LRRTM4: variants seen among roughly 807,000 people sequenced by gnomAD.
LRRTM4 encodes the protein leucine rich repeat transmembrane neuronal 4, also known as leucine-rich repeat transmembrane neuronal protein 4.
In LRRTM4, 25 loss-of-function variants were observed where a neutral mutation model predicts 47.6. The observed-to-expected ratio is 0.53, with a 90% CI of 0.38 to 0.73. LRRTM4 has a LOEUF of 0.73. LRRTM4 is among the 30% of genes least tolerant of loss of function. LRRTM4 has a pLI of 0.00. For missense variants in LRRTM4, 638 were observed against 713.4 expected, an observed-to-expected ratio of 0.89 and a Z score of 1.20; for synonymous variants, 311 against 269.5, an observed-to-expected ratio of 1.15 and a Z score of -1.51.
At chr2:76,998,411 T>C (rs1372776432) in intron 3 of LRRTM4, among the ~76,000 whole-genome samples, 1 of 152,176 alleles carries the variant, frequency 6.6e-6, no homozygotes, top group African/African-American at 2.4e-5. Flanking sequence ...TTAATAATGA[T>C]GTGTGGCCCT....
At chr2:76,970,321 A>G (rs1288174928) in intron 3 of LRRTM4, among the ~76,000 whole-genome samples, 2 of 151,988 alleles carry the variant, frequency 1.3e-5, no homozygotes, top group Non-Finnish European at 2.9e-5. Flanking sequence ...TTTCATATTG[A>G]TCAATTTTGA....
chr2:77,477,342 C>T (rs1168100125), intron 3 of LRRTM4, among the ~76,000 whole-genome samples: 1 of 152,212 alleles, frequency 6.6e-6, no homozygotes, highest in South Asian at 2.1e-4. Flanking sequence ...GAAATACTCT[C>T]ATGCTGGCTA....
At chr2:76,843,710 G>C (rs1351284933) in intron 3 of LRRTM4, among the ~76,000 whole-genome samples, 1 of 152,112 alleles carries the variant, frequency 6.6e-6, no homozygotes, top group Non-Finnish European at 1.5e-5. Flanking sequence ...AAGGGAGTTG[G>C]AGAAGGTTGA....
chr2:76,820,853 G>T (rs548886976), intron 3 of LRRTM4, among the ~76,000 whole-genome samples: 24 of 151,854 alleles, frequency 1.6e-4, no homozygotes, highest in Non-Finnish European at 3.2e-4. Flanking sequence ...CGCAAAAGTA[G>T]CTAGAAGCAG....
intron 3 of LRRTM4, among the ~76,000 whole-genome samples, chr2:76,876,629 T>TAGAA: frequency 6.6e-6 from 1 of 152,060 alleles, no homozygotes; most frequent in Non-Finnish European, 1.5e-5. Context: ...AGCATAATTC[T>TAGAA]TTATGCTCTA....
chr2:77,367,526 C>A (rs1322045641), intron 3 of LRRTM4, among the ~76,000 whole-genome samples: 1 of 151,770 alleles, frequency 6.6e-6, no homozygotes, highest in Non-Finnish European at 1.5e-5. Flanking sequence ...GCTGTTTTCA[C>A]CCTTTTTTGC....
chr2:77,227,861 C>T (rs1247432212), intron 3 of LRRTM4, among the ~76,000 whole-genome samples: 21 of 151,978 alleles, frequency 1.4e-4, no homozygotes, highest in Non-Finnish European at 2.9e-4. Context: ...GTTATACTTT[C>T]CAGCCTTTTT....
chr2:76,775,393 G>A (rs1242013422), intron 3 of LRRTM4, among the ~76,000 whole-genome samples: 3 of 152,172 alleles, frequency 2.0e-5, no homozygotes, highest in Non-Finnish European at 4.4e-5. Context: ...TTGAGGGCAA[G>A]TAGACCATGT....
intron 3 of LRRTM4, among the ~76,000 whole-genome samples, chr2:77,223,408 G>A (rs943875360): frequency 6.6e-6 from 1 of 152,118 alleles, no homozygotes; most frequent in Admixed American, 6.6e-5. Context: ...AGGAAAAGAG[G>A]AAGTCAAATT....
chr2:77,436,093 A>G (rs1480233313), intron 3 of LRRTM4, among the ~76,000 whole-genome samples: 1 of 152,176 alleles, frequency 6.6e-6, no homozygotes, highest in Admixed American at 6.5e-5. Flanking sequence ...GTTCAAACAG[A>G]GTAGAGTGTT....
At chr2:76,862,905 G>A (rs765405038) in intron 3 of LRRTM4, among the ~76,000 whole-genome samples, 1 of 152,154 alleles carries the variant, frequency 6.6e-6, no homozygotes, top group Non-Finnish European at 1.5e-5. Flanking sequence ...TTGGTTAAGG[G>A]TAGCAACATA....
chr2:77,256,557 T>A (rs1034607134), intron 3 of LRRTM4, among the ~76,000 whole-genome samples: 14 of 152,146 alleles, frequency 9.2e-5, no homozygotes, highest in Admixed American at 4.6e-4. Flanking sequence ...TTTCATGAGA[T>A]CTTATTGTTT....
intron 3 of LRRTM4, among the ~76,000 whole-genome samples, chr2:77,368,139 G>A (rs1296906920): frequency 6.6e-6 from 1 of 151,570 alleles, no homozygotes; most frequent in Non-Finnish European, 1.5e-5. Flanking sequence ...GCTTTCTGTT[G>A]TGTTCCTGCA....
intron 3 of LRRTM4, among the ~76,000 whole-genome samples, chr2:76,870,753 T>C (rs1402702166): frequency 6.6e-6 from 1 of 152,182 alleles, no homozygotes; most frequent in Admixed American, 6.5e-5. Flanking sequence ...GGTGAGTCAA[T>C]ATTATTTGTA....
At chr2:76,993,297 C>G (rs1677078666) in intron 3 of LRRTM4, among the ~76,000 whole-genome samples, 1 of 151,662 alleles carries the variant, frequency 6.6e-6, no homozygotes, top group African/African-American at 2.4e-5. Flanking sequence ...AGCTTTTGCA[C>G]AGGATAAAAA....
chr2:77,361,780 C>T (rs1243483823), intron 3 of LRRTM4, among the ~76,000 whole-genome samples: 2 of 152,122 alleles, frequency 1.3e-5, no homozygotes, highest in East Asian at 3.9e-4. Flanking sequence ...TACTTCTTAA[C>T]TCTATCTTTC....
At chr2:76,869,115 C>G (rs948909670) in intron 3 of LRRTM4, among the ~76,000 whole-genome samples, 3 of 152,068 alleles carry the variant, frequency 2.0e-5, no homozygotes, top group African/African-American at 7.2e-5. Flanking sequence ...TCGAGATCAT[C>G]CTGGCCAACA....
At chr2:77,320,994 TTAA>T (rs770455453) in intron 3 of LRRTM4, among the ~76,000 whole-genome samples, 39 of 152,152 alleles carry the variant, frequency 2.6e-4, no homozygotes, top group Admixed American at 2.4e-3. Flanking sequence ...AGTACACATG[TTAA>T]TAAGAATAAA....
intron 3 of LRRTM4, among the ~76,000 whole-genome samples, chr2:77,040,802 C>T (rs534544674): frequency 3.3e-5 from 5 of 151,202 alleles, no homozygotes; most frequent in Non-Finnish European, 7.4e-5. Context: ...TTTTGTTTTT[C>T]ACTGATACAC....
Sources: allele counts gnomAD v4.1 joint callset (sites outside exome capture counted in the v4.1 genomes callset), GRCh38; gene constraint gnomAD v4.1.1; transcripts MANE v1.5; gene names NCBI Gene and HGNC (gene_info 2026-07-23, HGNC 2026-07-21).